Variants in INPP5A observed in about 807,000 individuals in gnomAD.
INPP5A encodes the protein inositol polyphosphate-5-phosphatase A, also known as 43 kDa inositol polyphosphate 5-phophatase.
Under a neutral mutation model 65.2 loss-of-function variants are expected in INPP5A, and 14 were observed. That is an observed-to-expected ratio of 0.21 (90% confidence interval 0.14 to 0.34). The LOEUF is 0.34. Ranked by LOEUF, INPP5A falls within the 10% of genes least tolerant of loss-of-function variation. The probability of loss-of-function intolerance (pLI) is 1.00; values close to 1 mark genes in which losing one functional copy is unlikely to be tolerated. For synonymous variants in INPP5A, 207 were observed against 208.3 expected, an observed-to-expected ratio of 0.99 and a Z score of 0.05; for missense variants, 431 against 545.6, an observed-to-expected ratio of 0.79 and a Z score of 2.09.
chr10:132,657,576 C>G (rs1306744748), intron 4 of INPP5A, among the ~76,000 whole-genome samples: 1 of 151,658 alleles, frequency 6.6e-6, no homozygotes, highest in African/African-American at 2.4e-5. Context: ...GCCCCAGTAC[C>G]CAGCGGTGGC....
At chr10:132,700,844 T>G (rs1590935778) in intron 6 of INPP5A, among the ~76,000 whole-genome samples, 1 of 152,282 alleles carries the variant, frequency 6.6e-6, no homozygotes, top group Non-Finnish European at 1.5e-5. Flanking sequence ...AAACTTTCTC[T>G]GCTGATTTAT....
chr10:132,654,918 T>G (rs1483372719), intron 4 of INPP5A, among the ~76,000 whole-genome samples: 1 of 152,200 alleles, frequency 6.6e-6, no homozygotes, highest in Non-Finnish European at 1.5e-5. Context: ...ACGCAGCGCC[T>G]GAGAGTTTCC....
chr10:132,640,289 C>A (rs576977395), intron 2 of INPP5A, among the ~76,000 whole-genome samples: 3 of 152,242 alleles, frequency 2.0e-5, no homozygotes, highest in Non-Finnish European at 4.4e-5. Context: ...TGCTCGCTCA[C>A]GTGGGTTGTC....
At chr10:132,565,028 TAG>T (rs2071255783) in intron 1 of INPP5A, among the ~76,000 whole-genome samples, 1 of 152,214 alleles carries the variant, frequency 6.6e-6, no homozygotes, top group South Asian at 2.1e-4. Context: ...TTGTGCTGAA[TAG>T]AGAGTTTGGA....
rs746467143 is a variant in INPP5A at position 132,575,764 on chromosome 10, C to T, written c.76-32151C>T. ...GTGTCCCTCTGGCCGTGGGCTCCCG[C>T]GTGGTGTGTGCGGCCCAGGGCCCTG... On this transcript the variant is annotated intron_variant, in intron 1 of 15. Coordinates refer to ENST00000368594, the MANE Select transcript of INPP5A (RefSeq NM_005539.5). This position sits in a 1 kb window ranked among gnomAD's most constrained non-coding sequence, Gnocchi z 5.4. 6.6e-6 allele frequency among the ~76,000 whole-genome samples: 1 copy of T among 152,126 alleles called. No homozygotes were observed. The highest frequency in any genetic ancestry group is 2.4e-5 in the African/African-American group (1 of 41,422).
intron 9 of INPP5A, among the ~76,000 whole-genome samples, chr10:132,731,146 G>A (rs1846077464): frequency 6.6e-6 from 1 of 152,218 alleles, no homozygotes; most frequent in South Asian, 2.1e-4. Context: ...GGCGTGGTCA[G>A]CCCTGCACAA....
At chr10:132,778,985 T>C in intron 13 of INPP5A, among the ~76,000 whole-genome samples, 1 of 152,192 alleles carries the variant, frequency 6.6e-6, no homozygotes, top group East Asian at 1.9e-4. Flanking sequence ...CCTTCCTACA[T>C]CCTGGAGCAC....
chr10:132,744,451 A>G (rs945609002), intron 9 of INPP5A, among the ~76,000 whole-genome samples: 5 of 152,180 alleles, frequency 3.3e-5, no homozygotes, highest in East Asian at 3.9e-4. Context: ...CCCTGTGTCT[A>G]TGGAATCGGT....
Position 132,698,215 on chromosome 10 carries a change from C to T in INPP5A, c.474+296C>T, listed in dbSNP as rs1000651536. Among the ~76,000 whole-genome samples the T allele has an allele frequency of 2.6e-5, 4 of 152,176 alleles. No individual in the cohort carries two copies. Among genetic ancestry groups the T allele is most frequent in the Admixed American group, 1.3e-4 (2 of 15,286 alleles). On this transcript the variant is annotated intron_variant, in intron 6 of 15. Transcript: ENST00000368594. This position sits in a 1 kb window ranked among gnomAD's most constrained non-coding sequence, Gnocchi z 5.5. ...TAGGAAAATCATTCAGCTCCCTTGGCGTGCACCTGGGGTCTCCCGCACGCC... is the reference window on the plus strand; with the variant it reads ...TAGGAAAATCATTCAGCTCCCTTGGTGTGCACCTGGGGTCTCCCGCACGCC...
intron 1 of INPP5A, among the ~76,000 whole-genome samples, chr10:132,591,320 A>G (rs1369927400): frequency 1.3e-5 from 2 of 150,882 alleles, no homozygotes; most frequent in South Asian, 2.1e-4. Context: ...TTATTTTTCC[A>G]TATGAACTTT....
At chr10:132,639,701 T>C (rs73401239) in intron 2 of INPP5A, among the ~76,000 whole-genome samples, 4,145 of 152,334 alleles carry the variant, frequency 0.027, 79 homozygotes, top group African/African-American at 0.046. Flanking sequence ...CTCCTTCTGT[T>C]GCTCCGACTA....
intron 1 of INPP5A, among the ~76,000 whole-genome samples, chr10:132,581,777 T>A (rs1488608202): frequency 1.3e-5 from 2 of 152,204 alleles, no homozygotes; most frequent in Non-Finnish European, 2.9e-5. Flanking sequence ...GTACTCTGGA[T>A]ACCAGTCCTT....
At chr10:132,766,065 TGTGTGTGTGCACATGTGCACGA>T (rs1220302542) in intron 12 of INPP5A, among the ~76,000 whole-genome samples, 15 of 151,344 alleles carry the variant, frequency 9.9e-5, no homozygotes, top group South Asian at 2.1e-4. Context: ...CGTATGCGTC[TGTGTGTGTGCACATGTGCACGA>T]GTGTGTGTGC....
intron 8 of INPP5A, among the ~76,000 whole-genome samples, chr10:132,713,487 G>C (rs956471025): frequency 1.3e-5 from 2 of 152,122 alleles, no homozygotes; most frequent in Non-Finnish European, 2.9e-5. Flanking sequence ...TCTGGGCTGG[G>C]CTCCCATCCC....
chr10:132,781,320 G>A (rs888357310), intron 14 of INPP5A, among the ~76,000 whole-genome samples: 5 of 152,218 alleles, frequency 3.3e-5, no homozygotes, highest in East Asian at 1.9e-4. Flanking sequence ...GGGTGAGGGC[G>A]CTCCCCACCG....
In INPP5A at chr10:132,663,785, G is replaced by A. The variant is rs888021808; in HGVS notation, c.306+13280G>A. ...TGTGAGCAGATTCGCCCCTAGGGGT[G>A]AAGTCATCTCGCTCCTCTTCTGAGC... On this transcript the variant is annotated intron_variant, in intron 4 of 15. Coordinates refer to ENST00000368594, the MANE Select transcript of INPP5A (RefSeq NM_005539.5). The surrounding 1 kb of genome is among the most constrained non-coding windows in gnomAD (Gnocchi z 4.5). Among the ~76,000 whole-genome samples the A allele has an allele frequency of 6.6e-6, 1 of 152,192 alleles. No individual in the cohort carries two copies. Among genetic ancestry groups the A allele is most frequent in the Non-Finnish European group, 1.5e-5 (1 of 68,038 alleles).
intron 1 of INPP5A, among the ~76,000 whole-genome samples, chr10:132,539,638 G>A (rs1459210773): frequency 6.6e-6 from 1 of 152,206 alleles, no homozygotes; most frequent in Non-Finnish European, 1.5e-5. Flanking sequence ...AAAGCAGAGT[G>A]AGGCTCCAAG....
At chr10:132,740,554 A>G (rs1439530514) in intron 9 of INPP5A, among the ~76,000 whole-genome samples, 1 of 152,188 alleles carries the variant, frequency 6.6e-6, no homozygotes, top group African/African-American at 2.4e-5. Flanking sequence ...AGCCGTAATG[A>G]TTTCCTATTA....
intron 2 of INPP5A, among the ~76,000 whole-genome samples, chr10:132,610,765 A>G (rs553063896): frequency 6.6e-6 from 1 of 152,372 alleles, no homozygotes; most frequent in African/African-American, 2.4e-5. Flanking sequence ...AGACAGCTGC[A>G]TCTGCTGCAG....
Sources: allele counts gnomAD v4.1 joint callset (sites outside exome capture counted in the v4.1 genomes callset), GRCh38; gene constraint gnomAD v4.1.1; non-coding constraint Gnocchi (gnomAD v3.1); transcripts MANE v1.5; gene names NCBI Gene and HGNC (gene_info 2026-07-23, HGNC 2026-07-21).